RAP1A: variants seen among roughly 807,000 people sequenced by gnomAD.
The protein encoded by RAP1A is RAP1A, member of RAS oncogene family.
RAP1A carries 6 observed loss-of-function variants against 26.4 expected under a neutral mutation model. That is an observed-to-expected ratio of 0.23 (90% CI 0.12 to 0.45). RAP1A has a LOEUF of 0.45. Among genes scored for constraint, RAP1A ranks in the 20% least tolerant of loss-of-function variants. The probability of loss-of-function intolerance (pLI) is 0.99; values close to 1 mark genes in which losing one functional copy is unlikely to be tolerated. For missense variants in RAP1A, 121 were observed against 217.2 expected (o/e 0.56, Z 2.78); for synonymous variants, 73 against 79.4 (o/e 0.92, Z 0.43).
chr1:111,592,978 G>C (rs1030126088), intron 1 of RAP1A, among the ~76,000 whole-genome samples: 3 of 152,138 alleles, frequency 2.0e-5, no homozygotes. Flanking sequence ...GTGTGTTGGG[G>C]GGTAAATAGC....
intron 1 of RAP1A, among the ~76,000 whole-genome samples, chr1:111,670,259 C>G (rs1660931795): frequency 6.6e-6 from 1 of 151,964 alleles, no homozygotes; most frequent in East Asian, 1.9e-4. Flanking sequence ...ATAGCTTGAG[C>G]CTAGGAGTTC....
intron 1 of RAP1A, among the ~76,000 whole-genome samples, chr1:111,657,130 G>GAACA (rs1660486514): frequency 6.6e-6 from 1 of 151,994 alleles, no homozygotes; most frequent in South Asian, 2.1e-4. Context: ...GTGCATCAAA[G>GAACA]AACACATCAA....
At chr1:111,686,968 T>A (rs927520435) in intron 1 of RAP1A, among the ~76,000 whole-genome samples, 1 of 151,976 alleles carries the variant, frequency 6.6e-6, no homozygotes, top group Non-Finnish European at 1.5e-5. Context: ...TTGTTGCCAA[T>A]AGATGTTTTT....
At chr1:111,664,102 G>A (rs1345600690) in intron 1 of RAP1A, among the ~76,000 whole-genome samples, 1 of 152,060 alleles carries the variant, frequency 6.6e-6, no homozygotes, top group South Asian at 2.1e-4. Context: ...GGCCAGGCAC[G>A]GTGGCTCACG....
chr1:111,558,914 C>T (rs756301247), intron 1 of RAP1A, among the ~76,000 whole-genome samples: 23 of 152,036 alleles, frequency 1.5e-4, no homozygotes, highest in East Asian at 7.7e-4. Context: ...ATATGTAAAA[C>T]GTAGTAACAA....
At chr1:111,584,288 T>A (rs1658320134) in intron 1 of RAP1A, among the ~76,000 whole-genome samples, 1 of 152,178 alleles carries the variant, frequency 6.6e-6, no homozygotes, top group African/African-American at 2.4e-5. Flanking sequence ...CAAATCTCCC[T>A]GTCTGTTTGC....
chr1:111,642,100 C>G (rs1416939718), intron 1 of RAP1A, among the ~76,000 whole-genome samples: 1 of 152,070 alleles, frequency 6.6e-6, no homozygotes, highest in Non-Finnish European at 1.5e-5. Context: ...CAACAGTTAG[C>G]CGGGTGTGGT....
At chr1:111,638,222 T>C (rs1423386459) in intron 1 of RAP1A, among the ~76,000 whole-genome samples, 1 of 152,198 alleles carries the variant, frequency 6.6e-6, no homozygotes, top group Non-Finnish European at 1.5e-5. Flanking sequence ...CTATGTATAA[T>C]TCTACCTCAT....
intron 3 of RAP1A, among the ~76,000 whole-genome samples, chr1:111,696,454 C>T (rs1422852285): frequency 6.6e-6 from 1 of 152,152 alleles, no homozygotes; most frequent in Non-Finnish European, 1.5e-5. Flanking sequence ...ATTCACTGAA[C>T]ATTCCCAGTT....
chr1:111,655,243 GA>G (rs372916125), intron 1 of RAP1A, among the ~76,000 whole-genome samples: 39 of 96,084 alleles, frequency 4.1e-4, no homozygotes, highest in Admixed American at 1.0e-3. Context: ...TGAAAAAAAA[GA>G]AAAAAAAACA....
chr1:111,689,256 CT>C (rs894744794), intron 1 of RAP1A, among the ~76,000 whole-genome samples: 11 of 149,524 alleles, frequency 7.4e-5, no homozygotes, highest in South Asian at 2.1e-4. Flanking sequence ...TAGTTCTAGT[CT>C]TTTTTTTTTC....
At chr1:111,700,743 C>G (rs577801033) in intron 4 of RAP1A, among the ~76,000 whole-genome samples, 1 of 152,286 alleles carries the variant, frequency 6.6e-6, no homozygotes, top group East Asian at 1.9e-4. Flanking sequence ...CTGGGTCTTT[C>G]CAGTCTTTCC....
chr1:111,694,563 A>G (rs1257933866), intron 2 of RAP1A, among the ~76,000 whole-genome samples: 2 of 152,104 alleles, frequency 1.3e-5, no homozygotes, highest in Non-Finnish European at 2.9e-5. Flanking sequence ...GTGCTTTTGG[A>G]TGCCTTTAAA....
chr1:111,639,961 TTA>T (rs1234770357), intron 1 of RAP1A, among the ~76,000 whole-genome samples: 2 of 152,228 alleles, frequency 1.3e-5, no homozygotes, highest in East Asian at 3.8e-4. Context: ...GGTTTACCAT[TTA>T]ACTAGATTAG....
chr1:111,661,800 G>GAAA (rs11322950), intron 1 of RAP1A, among the ~76,000 whole-genome samples: 9 of 102,852 alleles, frequency 8.8e-5, no homozygotes, highest in Non-Finnish European at 1.6e-4. Context: ...CTCCGTCCCA[G>GAAA]AAAAAAAAAA....
chr1:111,579,370 G>GCTATCATATC (rs1658208794), intron 1 of RAP1A, among the ~76,000 whole-genome samples: 1 of 152,190 alleles, frequency 6.6e-6, no homozygotes, highest in African/African-American at 2.4e-5. Flanking sequence ...GGTTTTAGAA[G>GCTATCATATC]CTATGATAGG....
chr1:111,577,562 T>A (rs1359648467), intron 1 of RAP1A, among the ~76,000 whole-genome samples: 1 of 152,018 alleles, frequency 6.6e-6, no homozygotes. Flanking sequence ...CATAAACAGA[T>A]TTTTTTAGGG....
Position 111,665,474 on chromosome 1 carries a change from T to C in RAP1A, c.-27-25860T>C, listed in dbSNP as rs139145034. ...GTATCTTTTAAGGAAAATAATGTTT[T>C]GGTCAACCTAGAAAGTATTAGTCAT... On this transcript the variant is annotated intron_variant, in intron 1 of 7. Transcript: ENST00000369709. 7.2e-5 allele frequency among the ~76,000 whole-genome samples: 11 copies of C among 152,334 alleles called. No individual in the cohort carries two copies. The East Asian group carries it at 2.1e-3, about 29-fold the overall frequency.
At chr1:111,622,612 G>GA (rs1348811159) in intron 1 of RAP1A, among the ~76,000 whole-genome samples, 1 of 152,156 alleles carries the variant, frequency 6.6e-6, no homozygotes, top group Non-Finnish European at 1.5e-5. Flanking sequence ...CACAGTTGTT[G>GA]ACAAACATTC....
Sources: gnomAD v4.1 joint callset for allele counts (sites outside exome capture counted in the v4.1 genomes callset) on GRCh38, gnomAD v4.1.1 for gene constraint, MANE v1.5 for transcripts, NCBI Gene and HGNC (gene_info 2026-07-23, HGNC 2026-07-21) for gene names.